Variants in UNC5B observed in about 807,000 individuals in gnomAD.
UNC5B encodes the protein netrin receptor UNC5B.
Under a neutral mutation model 103.7 loss-of-function variants are expected in UNC5B, and 56 were observed. The observed-to-expected ratio is 0.54, with a 90% CI of 0.44 to 0.67. The LOEUF is 0.67. Ranked by LOEUF, UNC5B falls within the 30% of genes least tolerant of loss-of-function variation. UNC5B has a pLI of 0.00. For synonymous variants in UNC5B, 577 were observed against 542.0 expected (o/e 1.06, Z -0.90); for missense variants, 1,194 against 1,284.5 (o/e 0.93, Z 1.08).
intron 1 of UNC5B, among the ~76,000 whole-genome samples, chr10:71,219,682 G>A (rs1843413108): frequency 6.6e-6 from 1 of 152,204 alleles, no homozygotes; most frequent in Non-Finnish European, 1.5e-5. Flanking sequence ...ACCATCACAA[G>A]GTCAGAACTC....
rs796786429 is a variant in UNC5B, at chr10:71,275,223, T to C, written c.80-4598T>C. On this transcript the variant is annotated intron_variant, in intron 1 of 16. Transcript: ENST00000335350. ...TGCAGCTTTAAAGGCAGGCTGCACT[T>C]TTGCAATTTAGGCCCAAACGAGTTC... is the stretch of plus-strand genomic sequence containing the variant. Among the ~76,000 whole-genome samples the C allele has an allele frequency of 2.6e-5, 4 of 152,356 alleles. 1 individual carries two copies. The highest frequency in any genetic ancestry group is 9.6e-5 in the African/African-American group (4 of 41,582).
chr10:71,257,016 A>G (rs1235853414), intron 1 of UNC5B, among the ~76,000 whole-genome samples: 1 of 152,176 alleles, frequency 6.6e-6, no homozygotes, highest in Non-Finnish European at 1.5e-5. Context: ...GAGGATGCTA[A>G]GGAGGAGGCT....
rs934134336 is a variant in UNC5B, at chr10:71,286,944, C to G, written c.733+75C>G. 2.6e-6 allele frequency: 4 copies of G among 1,557,414 alleles called. No individual in the cohort carries two copies. The African/African-American group carries it at 4.1e-5, about 16-fold the overall frequency. ...AGAGAGCCTGGGGGTAGGGGGGACC[C>G]CTGGATTGGTAGGGAGGATGCAGCC... On this transcript the variant is annotated intron_variant, in intron 5 of 16. Coordinates refer to ENST00000335350, the MANE Select transcript of UNC5B (RefSeq NM_170744.5).
At chr10:71,266,338 C>T (rs930518605) in intron 1 of UNC5B, among the ~76,000 whole-genome samples, 1 of 152,086 alleles carries the variant, frequency 6.6e-6, no homozygotes, top group Non-Finnish European at 1.5e-5. Flanking sequence ...TCACCCTCCC[C>T]GCTTCCTGGT....
chr10:71,213,068 G>A lies in UNC5B; in HGVS notation c.79+4G>A. On this transcript the variant is annotated splice_donor_region_variant and intron_variant, in intron 1 of 16. Transcript: ENST00000335350. This position sits in a 1 kb window ranked among gnomAD's most constrained non-coding sequence, Gnocchi z 4.1. ...GACCCGAGGCTGAGCCAAGCAGGTA[G>A]GAAGCGATCGGGTCTGGGGGCGCGG... The A allele has an allele frequency of 7.3e-7, 1 of 1,372,768 alleles. No individual in the cohort carries two copies. Among genetic ancestry groups the A allele is most frequent in the Non-Finnish European group, 9.5e-7 (1 of 1,055,916 alleles). The allele number at this position is 1,372,768 out of a possible 1,614,324, so 85.0% of individuals were successfully genotyped here. A position where few individuals can be genotyped will look rare whatever the true frequency, so the allele number is the denominator to read the frequency against.
In UNC5B at chr10:71,213,971, C is replaced by A. The variant is rs984218640; in HGVS notation, c.79+907C>A. Among the ~76,000 whole-genome samples, 1 of 151,850 alleles carries A rather than the reference C, an allele frequency of 6.6e-6. No individual in the cohort carries two copies. Among genetic ancestry groups the A allele is most frequent in the Non-Finnish European group, 1.5e-5 (1 of 67,990 alleles). ...GCCGTGGATGAATACGTTTCTCGCT[C>A]GTCCTGTAGCTGGACCCGGCGTCGC... On this transcript the variant is annotated intron_variant, in intron 1 of 16. Coordinates refer to ENST00000335350, the MANE Select transcript of UNC5B (RefSeq NM_170744.5). This position sits in a 1 kb window ranked among gnomAD's most constrained non-coding sequence, Gnocchi z 4.1.
At chr10:71,241,656 C>T (rs1164816660) in intron 1 of UNC5B, among the ~76,000 whole-genome samples, 2 of 151,950 alleles carry the variant, frequency 1.3e-5, no homozygotes, top group East Asian at 1.9e-4. Context: ...ACAGAAGGCC[C>T]GTCTTCTCCT....
intron 1 of UNC5B, among the ~76,000 whole-genome samples, chr10:71,219,946 G>A (rs1461210854): frequency 1.3e-5 from 2 of 152,200 alleles, no homozygotes; most frequent in Admixed American, 1.3e-4. Context: ...TGGGATGGGG[G>A]CTAGCTAGCT....
intron 1 of UNC5B, among the ~76,000 whole-genome samples, chr10:71,232,251 A>C (rs894207309): frequency 1.3e-5 from 2 of 152,222 alleles, no homozygotes; most frequent in Non-Finnish European, 2.9e-5. Flanking sequence ...GCTGTGTCAA[A>C]ACCTATCTCA....
At chr10:71,225,722 G>A (rs1167459108) in intron 1 of UNC5B, among the ~76,000 whole-genome samples, 1 of 152,338 alleles carries the variant, frequency 6.6e-6, no homozygotes, top group East Asian at 1.9e-4. Flanking sequence ...CCACATCCCT[G>A]GACCAGTCTT....
chr10:71,241,440 A>G (rs991826309), intron 1 of UNC5B, among the ~76,000 whole-genome samples: 2 of 152,202 alleles, frequency 1.3e-5, no homozygotes, highest in Admixed American at 1.3e-4. Context: ...CTCTCCAGTC[A>G]GAGAACTAGC....
In UNC5B at chr10:71,247,942, G is replaced by C. The variant is rs561298135; in HGVS notation, c.80-31879G>C. Among the ~76,000 whole-genome samples the C allele has an allele frequency of 1.1e-3, 167 of 152,256 alleles. 1 individual carries two copies. The highest frequency in any genetic ancestry group is 3.8e-3 in the African/African-American group (159 of 41,544). On this transcript the variant is annotated intron_variant, in intron 1 of 16. Coordinates refer to ENST00000335350, the MANE Select transcript of UNC5B (RefSeq NM_170744.5). ...GAAAAGGAGAAAGGATGGGAATGCC[G>C]CATCTGCCTTTGGCAAGCTGCTGAT...
chr10:71,261,946 G>A (rs1341499215), intron 1 of UNC5B, among the ~76,000 whole-genome samples: 1 of 143,270 alleles, frequency 7.0e-6, no homozygotes, highest in Non-Finnish European at 1.5e-5. Context: ...AGAGGCCTCA[G>A]TTGACTTCTT....
chr10:71,232,347 A>G (rs1843700513), intron 1 of UNC5B, among the ~76,000 whole-genome samples: 1 of 152,258 alleles, frequency 6.6e-6, no homozygotes, highest in Non-Finnish European at 1.5e-5. Context: ...TATGAGAAGT[A>G]GCAATCTTGT....
At chr10:71,263,680 C>A (rs1844464931) in intron 1 of UNC5B, among the ~76,000 whole-genome samples, 1 of 152,204 alleles carries the variant, frequency 6.6e-6, no homozygotes, top group Non-Finnish European at 1.5e-5. Context: ...CCTACTAAAC[C>A]TTTACATCAA....
chr10:71,281,338 A>G (rs1159742229), intron 2 of UNC5B, among the ~76,000 whole-genome samples: 2 of 146,646 alleles, frequency 1.4e-5, no homozygotes, highest in Non-Finnish European at 3.0e-5. Context: ...AAATGGAAAA[A>G]GGAATTTTTT....
In UNC5B at chr10:71,212,985, C is replaced by G. The variant is rs990048874; in HGVS notation, c.-1C>G. On this transcript the variant is annotated 5_prime_UTR_variant, in exon 1 of 17. Coordinates refer to ENST00000335350, the MANE Select transcript of UNC5B (RefSeq NM_170744.5). ...AGGCGCCCGAACCAGGCCGCGGGAGCATGGGGGCCCGGAGCGGAGCTCGGG... is the reference window on the plus strand; with the variant it reads ...AGGCGCCCGAACCAGGCCGCGGGAGGATGGGGGCCCGGAGCGGAGCTCGGG... 2.2e-6 allele frequency: 3 copies of G among 1,383,106 alleles called. No homozygotes were observed. The highest frequency in any genetic ancestry group is 3.0e-5 in the African/African-American group (2 of 67,460). 85.7% of individuals were successfully genotyped at this position (1,383,106 alleles called of 1,614,324 possible).
chr10:71,265,905 C>T (rs912855004), intron 1 of UNC5B, among the ~76,000 whole-genome samples: 2 of 152,190 alleles, frequency 1.3e-5, no homozygotes, highest in Non-Finnish European at 2.9e-5. Context: ...TCTTTCACAC[C>T]TCTGGCCTCT....
chr10:71,285,075 G>T (rs1439349930), intron 3 of UNC5B, among the ~76,000 whole-genome samples: 1 of 152,220 alleles, frequency 6.6e-6, no homozygotes, highest in South Asian at 2.1e-4. Context: ...TATAAAAGAA[G>T]CTGGCAGCTT....
Sources: gnomAD v4.1 joint callset for allele counts (sites outside exome capture counted in the v4.1 genomes callset) on GRCh38, gnomAD v4.1.1 for gene constraint, Gnocchi (gnomAD v3.1) non-coding constraint, MANE v1.5 for transcripts, NCBI Gene and HGNC (gene_info 2026-07-23, HGNC 2026-07-21) for gene names.